Variants in ZSCAN30 observed in about 807,000 individuals in gnomAD.
The protein encoded by ZSCAN30 is zinc finger and SCAN domain-containing protein 30.
In ZSCAN30, 37 loss-of-function variants were observed where a neutral mutation model predicts 44.3. That is an observed-to-expected ratio of 0.84 (90% CI 0.64 to 1.10). The LOEUF is 1.10. Ranked by LOEUF, ZSCAN30 falls within the 50% of genes least tolerant of loss-of-function variation. The pLI is 0.00. For synonymous variants in ZSCAN30, 181 were observed against 204.6 expected (o/e 0.88, Z 0.98); for missense variants, 549 against 582.6 (o/e 0.94, Z 0.59).
intron 3 of ZSCAN30, chr18:35,263,256 AG>A (rs1203002519): frequency 9.2e-6 from 4 of 437,002 alleles, no homozygotes; most frequent in Non-Finnish European, 8.1e-6. Context: ...AAAAAAAAAA[AG>A]AAAAAAGAAA....
chr18:35,272,864 C>A (rs1331147159), intron 1 of ZSCAN30, among the ~76,000 whole-genome samples: 2 of 152,206 alleles, frequency 1.3e-5, no homozygotes, highest in African/African-American at 4.8e-5. Context: ...GCATGTCTCA[C>A]ATGACAACAG....
At chr18:35,288,478 A>C (rs995814456) in intron 1 of ZSCAN30, among the ~76,000 whole-genome samples, 1 of 152,234 alleles carries the variant, frequency 6.6e-6, no homozygotes, top group African/African-American at 2.4e-5. Flanking sequence ...GGAAAAAAGC[A>C]TATGTCCATA....
chr18:35,270,863 A>C (rs1031583344), intron 1 of ZSCAN30, among the ~76,000 whole-genome samples: 1 of 152,236 alleles, frequency 6.6e-6, no homozygotes, highest in Non-Finnish European at 1.5e-5. Context: ...ATGTTCGGAC[A>C]TGTTCAGAGT....
chr18:35,271,835 T>C (rs1010004196), intron 1 of ZSCAN30, among the ~76,000 whole-genome samples: 22 of 152,326 alleles, frequency 1.4e-4, no homozygotes, highest in Middle Eastern at 3.4e-3. Context: ...AGAATTTGAT[T>C]GTGGCGCAGG....
intron 1 of ZSCAN30, among the ~76,000 whole-genome samples, chr18:35,279,301 T>C (rs1159474888): frequency 1.3e-5 from 2 of 152,204 alleles, no homozygotes; most frequent in Non-Finnish European, 2.9e-5. Flanking sequence ...CATCCCACTG[T>C]CTTAGCTTCA....
chr18:35,265,516 T>G (rs2044131343), intron 1 of ZSCAN30, among the ~76,000 whole-genome samples: 1 of 152,212 alleles, frequency 6.6e-6, no homozygotes, highest in South Asian at 2.1e-4. Flanking sequence ...TTTATTTCTT[T>G]TTATTACAGA....
chr18:35,285,002 G>A (rs936874875), intron 1 of ZSCAN30: 1 of 154,852 alleles, frequency 6.5e-6, no homozygotes, highest in African/African-American at 2.4e-5. Flanking sequence ...CCGCCAACTT[G>A]GAAGGAGCTG....
chr18:35,271,139 A>G (rs2044264706), intron 1 of ZSCAN30, among the ~76,000 whole-genome samples: 1 of 152,132 alleles, frequency 6.6e-6, no homozygotes, highest in Non-Finnish European at 1.5e-5. Context: ...AAAGCAAAAA[A>G]ACCCTCCGCA....
intron 1 of ZSCAN30, among the ~76,000 whole-genome samples, chr18:35,276,872 A>G (rs1328373357): frequency 6.6e-6 from 1 of 152,198 alleles, no homozygotes; most frequent in Non-Finnish European, 1.5e-5. Flanking sequence ...AGATCCACTG[A>G]AAGCTTGCAC....
intron 1 of ZSCAN30, among the ~76,000 whole-genome samples, chr18:35,288,532 G>C (rs1219184092): frequency 6.6e-6 from 1 of 152,144 alleles, no homozygotes; most frequent in African/African-American, 2.4e-5. Flanking sequence ...ACTTGTAACA[G>C]TAAAAACCTG....
intron 1 of ZSCAN30, among the ~76,000 whole-genome samples, chr18:35,285,585 A>G (rs894571489): frequency 6.6e-5 from 10 of 152,212 alleles, no homozygotes; most frequent in South Asian, 2.1e-4. Context: ...AGAAATAAAT[A>G]TCAGAAAAAT....
In ZSCAN30 at chr18:35,253,524, A is replaced by G. The variant is rs1418936211; in HGVS notation, c.1411T>C (p.Cys471Arg). The G allele has an allele frequency of 1.2e-6, 2 of 1,613,092 alleles. No homozygotes were observed. The highest frequency in any genetic ancestry group is 1.1e-5 in the South Asian group (1 of 91,058). Reference sequence around the variant, plus strand: ...CTAAATGTTTTTCTACATTCACTACATTCATAAGGCTTCTCTCCAGTGTGA... The same window carrying G: ...CTAAATGTTTTTCTACATTCACTACGTTCATAAGGCTTCTCTCCAGTGTGA... ...RIHTGEKPYE[C>R]SECRKTFRHR... Residue 471 changes from cysteine (C) to arginine (R), a missense_variant, in exon 4 of 4, where the codon TGT becomes CGT. Transcript: ENST00000333206.
At position 35,254,281 on chromosome 18, in the gene ZSCAN30, T is replaced by C; in HGVS notation, c.654A>G (p.Glu218=). 6.2e-7 allele frequency: 1 copy of C among 1,614,144 alleles called. No homozygotes were observed. Among genetic ancestry groups the C allele is most frequent in the South Asian group, 1.1e-5 (1 of 91,082 alleles). The part of the protein sequence containing the change: ...AMISPGKLPG[E]THSQRIAEEA... Reference sequence around the variant, plus strand: ...CTTCAGCTATCCGTTGGGAATGTGTTTCTCCAGGAAGTTTTCCCGGCGATA... The same window carrying C: ...CTTCAGCTATCCGTTGGGAATGTGTCTCTCCAGGAAGTTTTCCCGGCGATA... The change falls in exon 4 of 4, where the codon GAA becomes GAG. Residue 218 remains glutamate (E), a synonymous_variant. Transcript: ENST00000333206.
chr18:35,263,082 T>C, intron 3 of ZSCAN30: 1 of 281,802 alleles, frequency 3.5e-6, no homozygotes, highest in Non-Finnish European at 7.1e-6. Context: ...GCTTTGAATA[T>C]TATGGATATT....
At chr18:35,264,545 T>C (rs2044106214) in intron 1 of ZSCAN30, 90 bp from the exon 2 acceptor site, 4 of 592,914 alleles carry the variant, frequency 6.7e-6, no homozygotes, top group South Asian at 4.8e-5. Context: ...CCAGGGAGCA[T>C]AGCATTGTAA....
rs1370604700 is a variant in ZSCAN30 at position 35,264,413 on chromosome 18, C to T, written c.-61G>A. 2 of 1,533,294 alleles carry T rather than the reference C, an allele frequency of 1.3e-6. No individual in the cohort carries two copies. The highest frequency in any genetic ancestry group is 2.5e-5 in the South Asian group (2 of 79,696). 95.0% of individuals were successfully genotyped at this position (1,533,294 alleles called of 1,614,324 possible). ...GAGGCAGGGAGGAGATGGAGATTTG[C>T]GTCTGAGAGATTCCTTCTGAATTCC... On this transcript the variant is annotated 5_prime_UTR_variant, in exon 2 of 4. Transcript: ENST00000333206.
At chr18:35,281,517 G>C (rs532303723) in intron 1 of ZSCAN30, 3 of 152,026 alleles carry the variant, frequency 2.0e-5, no homozygotes, top group Non-Finnish European at 4.4e-5. Flanking sequence ...TTGGGTAAAA[G>C]GTTAACAAAA....
chr18:35,270,412 A>G (rs2044246782), intron 1 of ZSCAN30, among the ~76,000 whole-genome samples: 1 of 152,130 alleles, frequency 6.6e-6, no homozygotes, highest in Admixed American at 6.5e-5. Context: ...TGTATCTCTT[A>G]TCTGCTCTTT....
At chr18:35,267,903 A>G (rs2044195083) in intron 1 of ZSCAN30, 1 of 152,054 alleles carries the variant, frequency 6.6e-6, no homozygotes, top group African/African-American at 2.4e-5. Flanking sequence ...TGCGAAGACG[A>G]CAGTCCTAGG....
Sources: gnomAD v4.1 joint callset for allele counts (sites outside exome capture counted in the v4.1 genomes callset) on GRCh38, gnomAD v4.1.1 for gene constraint, MANE v1.5 for transcripts, NCBI Gene and HGNC (gene_info 2026-07-23, HGNC 2026-07-21) for gene names.